SMAD2: variants seen among roughly 807,000 people sequenced by gnomAD.
The protein encoded by SMAD2 is MAD homolog 2.
Under a neutral mutation model 64.4 loss-of-function variants are expected in SMAD2, and 8 were observed. That is an observed-to-expected ratio of 0.12 (90% CI 0.07 to 0.22). The LOEUF (loss-of-function observed/expected upper bound fraction) is 0.22, where lower values mean the gene tolerates loss of function less well. SMAD2 is among the 10% of genes least tolerant of loss of function. The pLI is 1.00. For synonymous variants in SMAD2, 203 were observed against 195.8 expected, an observed-to-expected ratio of 1.04 and a Z score of -0.31; for missense variants, 289 against 561.2, an observed-to-expected ratio of 0.51 and a Z score of 4.90.
At chr18:47,921,526 G>C (rs528759966) in intron 1 of SMAD2, among the ~76,000 whole-genome samples, 4 of 152,308 alleles carry the variant, frequency 2.6e-5, no homozygotes, top group Admixed American at 2.0e-4. Flanking sequence ...GCCTTGCCTT[G>C]CTGTGATATT....
At chr18:47,911,960 C>CTGTG (rs2034154087) in intron 1 of SMAD2, among the ~76,000 whole-genome samples, 1 of 152,184 alleles carries the variant, frequency 6.6e-6, no homozygotes. Flanking sequence ...AAAGTATGCT[C>CTGTG]TAGAGGAGCC....
Position 47,818,710 on chromosome 18 carries a change from C to G in SMAD2, c.*23117G>C, listed in dbSNP as rs1912458179. On this transcript the variant is annotated 3_prime_UTR_variant, in exon 11 of 11. Coordinates refer to ENST00000262160, the MANE Select transcript of SMAD2 (RefSeq NM_005901.6). ...AAAAATGTAAGCATTTAAATATTAA[C>G]ATTAAACTCATTTGAAACTGAAAAA... 1 of 152,154 alleles carries G rather than the reference C, an allele frequency of 6.6e-6. No individual in the cohort carries two copies. The highest frequency in any genetic ancestry group is 2.4e-5 in the African/African-American group (1 of 41,434). 9.4% of individuals were successfully genotyped at this position (152,154 alleles called of 1,614,324 possible).
At chr18:47,863,309 C>T (rs2031324350) in intron 6 of SMAD2, among the ~76,000 whole-genome samples, 1 of 100,312 alleles carries the variant, frequency 1.0e-5, no homozygotes, top group Non-Finnish European at 2.1e-5. Flanking sequence ...CATTGCCATA[C>T]AGTAATTTTT....
chr18:47,851,377 T>G (rs772425963), intron 6 of SMAD2, 50 bp from the exon 7 acceptor site: 2 of 1,214,260 alleles, frequency 1.6e-6, no homozygotes, highest in Admixed American at 3.4e-5. Flanking sequence ...GAACTTCTGA[T>G]CAAGTAATCA....
At chr18:47,906,771 T>C (rs566235623) in intron 1 of SMAD2, among the ~76,000 whole-genome samples, 6 of 152,100 alleles carry the variant, frequency 3.9e-5, no homozygotes, top group Non-Finnish European at 8.8e-5. Context: ...TAGCTTGTGC[T>C]CCCTTCCCTT....
At position 47,821,704 on chromosome 18, in the gene SMAD2, G is replaced by A. The variant is rs1276278507; in HGVS notation, c.*20123C>T. 6.6e-6 allele frequency: 1 copy of A among 151,932 alleles called. No individual in the cohort carries two copies. Among genetic ancestry groups the A allele is most frequent in the African/African-American group, 2.4e-5 (1 of 41,376 alleles). The allele number at this position is 151,932 out of a possible 1,614,324, so 9.4% of individuals were successfully genotyped here. A position where few individuals can be genotyped will look rare whatever the true frequency, so the allele number is the denominator to read the frequency against. On this transcript the variant is annotated 3_prime_UTR_variant, in exon 11 of 11. Transcript: ENST00000262160. ...GCAAGAGATTTTTCTTTACCATTTT[G>A]GCAACTGGCCTAAGAAAAATTTTAT...
In SMAD2 at chr18:47,809,432, G is replaced by T. The variant is rs889649387; in HGVS notation, c.*32395C>A. ...GGTAGAGATAAGGATAACCTGTGGG[G>T]GAATTGTGAAGTAGACTAGCCAGTG... is the stretch of plus-strand genomic sequence containing the variant. On this transcript the variant is annotated 3_prime_UTR_variant, in exon 11 of 11. Coordinates refer to ENST00000262160, the MANE Select transcript of SMAD2 (RefSeq NM_005901.6). The T allele has an allele frequency of 6.6e-6, 1 of 152,280 alleles. No individual in the cohort carries two copies. Among genetic ancestry groups the T allele is most frequent in the African/African-American group, 2.4e-5 (1 of 41,438 alleles). 9.4% of individuals were successfully genotyped at this position (152,280 alleles called of 1,614,324 possible).
At position 47,845,366 on chromosome 18, in the gene SMAD2, A is replaced by C; in HGVS notation, c.1254T>G (p.Phe418Leu). ...LTRMCTIRMS[F>L]VKGWGAEYRR... ...GGTATTCTGCTCCCCACCCTTTCAC[A>C]AAACTCATTCTTATGGTGCACATTC... The change falls in exon 10 of 11, where the codon TTT (phenylalanine) becomes TTG (leucine). Residue 418 changes from phenylalanine (F) to leucine (L), a missense_variant. By Grantham distance (22) the Phe-to-Leu change is conservative. Around this residue, in one of 6 missense-constraint regions of SMAD2, gnomAD observed 20 missense variants for 82.8 expected, o/e 0.24. Transcript: ENST00000262160. 6.2e-7 allele frequency: 1 copy of C among 1,613,984 alleles called. No individual in the cohort carries two copies. The highest frequency in any genetic ancestry group is 8.5e-7 in the Non-Finnish European group (1 of 1,179,916).
rs2144378912 is a variant in SMAD2, at chr18:47,869,365, C to T, written c.398G>A (p.Arg133His). Residue 133 changes from arginine to histidine, a missense_variant, in exon 4 of 11, where the codon CGC (arginine) becomes CAC (histidine). Physicochemically the swap from Arg to His is conservative, Grantham distance 29. Transcript: ENST00000262160. ...LPHVIYCRLW[R>H]WPDLHSHHEL... Reference sequence around the variant, plus strand: ...ATGATGACTGTGAAGATCAGGCCAGCGCCATAATCGGCAATATATAACATG... The same window carrying T: ...ATGATGACTGTGAAGATCAGGCCAGTGCCATAATCGGCAATATATAACATG... 6.2e-7 allele frequency: 1 copy of T among 1,613,028 alleles called. No individual in the cohort carries two copies. The highest frequency in any genetic ancestry group is 8.5e-7 in the Non-Finnish European group (1 of 1,179,704).
intron 1 of SMAD2, among the ~76,000 whole-genome samples, chr18:47,913,972 T>A (rs1483795348): frequency 1.3e-5 from 2 of 152,184 alleles, no homozygotes; most frequent in Non-Finnish European, 2.9e-5. Context: ...GATACCTTAG[T>A]AAAATTAGGA....
intron 8 of SMAD2, among the ~76,000 whole-genome samples, chr18:47,846,050 G>A (rs1468646605): frequency 6.6e-6 from 1 of 151,940 alleles, no homozygotes; most frequent in African/African-American, 2.4e-5. Context: ...TGTAGAAAAA[G>A]TACACATAGT....
rs552819974 is a variant in SMAD2, at chr18:47,838,770, A to G, written c.*3057T>C. The G allele has an allele frequency of 4.3e-6, 1 of 232,610 alleles. No homozygotes were observed. The highest frequency in any genetic ancestry group is 1.8e-4 in the South Asian group (1 of 5,502). 14.4% of individuals were successfully genotyped at this position (232,610 alleles called of 1,614,324 possible). A position where few individuals can be genotyped will look rare whatever the true frequency, so the allele number is the denominator to read the frequency against. Reference sequence around the variant, plus strand: ...TGCCACTAAGTCAGTGAGAACTCCAACAGCCTCCCCTAAGCCAGCCCCCAA... The same window carrying G: ...TGCCACTAAGTCAGTGAGAACTCCAGCAGCCTCCCCTAAGCCAGCCCCCAA... On this transcript the variant is annotated 3_prime_UTR_variant, in exon 11 of 11. Coordinates refer to ENST00000262160, the MANE Select transcript of SMAD2 (RefSeq NM_005901.6).
chr18:47,862,572 G>C (rs1401599132), intron 6 of SMAD2, among the ~76,000 whole-genome samples: 1 of 152,034 alleles, frequency 6.6e-6, no homozygotes, highest in African/African-American at 2.4e-5. Context: ...ATAGAATTAG[G>C]GCCCATCGTA....
rs1213924870 is a variant in SMAD2, at chr18:47,850,426, TTA to T, written c.784+846_784+847del. ...TATTATGTATAATATATATAATATA[TTA>T]TATATATTATGTATAATATATATTA... is the stretch of plus-strand genomic sequence containing the variant. On this transcript the variant is annotated intron_variant, in intron 7 of 10. Transcript: ENST00000262160. Among the ~76,000 whole-genome samples, 7 of 24,372 alleles carry T rather than the reference TTA, an allele frequency of 2.9e-4. 1 individual carries two copies. Among genetic ancestry groups the T allele is most frequent in the African/African-American group, 3.6e-4 (2 of 5,518 alleles). 16.0% of individuals were successfully genotyped at this position (24,372 alleles called of 152,430 possible). A position where few individuals can be genotyped will look rare whatever the true frequency, so the allele number is the denominator to read the frequency against.
chr18:47,825,353 A>G lies in SMAD2; in HGVS notation c.*16474T>C, dbSNP rs1912714279. 1 of 152,264 alleles carries G rather than the reference A, an allele frequency of 6.6e-6. No homozygotes were observed. The highest frequency in any genetic ancestry group is 6.5e-5 in the Admixed American group (1 of 15,280). The allele number at this position is 152,264 out of a possible 1,614,324, so 9.4% of individuals were successfully genotyped here. A position where few individuals can be genotyped will look rare whatever the true frequency, so the allele number is the denominator to read the frequency against. ...TTTGGTTCACTGAGGCAGATGCTTC[A>G]TGAATGGCTTGGTGCTGCTCTTGCA... is the stretch of plus-strand genomic sequence containing the variant. On this transcript the variant is annotated 3_prime_UTR_variant, in exon 11 of 11. Coordinates refer to ENST00000262160, the MANE Select transcript of SMAD2 (RefSeq NM_005901.6).
Position 47,865,066 on chromosome 18 carries a change from C to T in SMAD2, c.723G>A (p.Met241Ile). ...CAAAGACATTTTTTTTACCTGTGTCCATACTTTGATTCAACTGTTGGTCAC... is the reference window on the plus strand; with the variant it reads ...CAAAGACATTTTTTTTACCTGTGTCTATACTTTGATTCAACTGTTGGTCAC... Reference protein sequence around the residue: ...ETSDQQLNQSMDTGSPAELSP... With the variant: ...ETSDQQLNQSIDTGSPAELSP... The change falls in exon 6 of 11, where the codon ATG becomes ATA. Residue 241 changes from methionine (M) to isoleucine (I), a missense_variant. Around this residue, in one of 6 missense-constraint regions of SMAD2, gnomAD observed 119 missense variants for 156.7 expected, o/e 0.76. Coordinates refer to ENST00000262160, the MANE Select transcript of SMAD2 (RefSeq NM_005901.6). 4 of 1,587,314 alleles carry T rather than the reference C, an allele frequency of 2.5e-6. No individual in the cohort carries two copies. Among genetic ancestry groups the T allele is most frequent in the Non-Finnish European group, 3.5e-6 (4 of 1,156,258 alleles).
chr18:47,846,433 C>T (rs1193212637), intron 8 of SMAD2, among the ~76,000 whole-genome samples: 3 of 152,080 alleles, frequency 2.0e-5, no homozygotes, highest in Non-Finnish European at 4.4e-5. Context: ...AGTCTCAGCC[C>T]TGAGGTGCAC....
chr18:47,823,381 G>C lies in SMAD2; in HGVS notation c.*18446C>G, dbSNP rs1241665565. 1 of 152,130 alleles carries C rather than the reference G, an allele frequency of 6.6e-6. No homozygotes were observed. Among genetic ancestry groups the C allele is most frequent in the African/African-American group, 2.4e-5 (1 of 41,406 alleles). 9.4% of individuals were successfully genotyped at this position (152,130 alleles called of 1,614,324 possible). A position where few individuals can be genotyped will look rare whatever the true frequency, so the allele number is the denominator to read the frequency against. On this transcript the variant is annotated 3_prime_UTR_variant, in exon 11 of 11. Coordinates refer to ENST00000262160, the MANE Select transcript of SMAD2 (RefSeq NM_005901.6). Reference sequence around the variant, plus strand: ...ATCAGGGTAACTTTAAGTTTCTGAAGAAAGCTATATGTACCTGTTATTAGA... The same window carrying C: ...ATCAGGGTAACTTTAAGTTTCTGAACAAAGCTATATGTACCTGTTATTAGA...
At chr18:47,894,000 A>G (rs923995163) in intron 2 of SMAD2, among the ~76,000 whole-genome samples, 1 of 152,240 alleles carries the variant, frequency 6.6e-6, no homozygotes. Flanking sequence ...CAGCTCCAGA[A>G]TATGAGCTCT....
Sources: gnomAD v4.1 joint callset for allele counts (sites outside exome capture counted in the v4.1 genomes callset) on GRCh38, gnomAD v4.1.1 for gene constraint, gnomAD v4.1.1 regional missense constraint, MANE v1.5 for transcripts, NCBI Gene and HGNC (gene_info 2026-07-23, HGNC 2026-07-21) for gene names.